The following TAS2R1 variants were observed in gnomAD, a reference collection of about 807,000 sequenced individuals.
The protein encoded by TAS2R1 is taste 2 receptor member 1.
For missense variants in TAS2R1, 370 were observed against 353.4 expected, an observed-to-expected ratio of 1.05 and a Z score of -0.38; for synonymous variants, 141 against 134.2, an observed-to-expected ratio of 1.05 and a Z score of -0.35.
Position 9,653,114 on chromosome 5 carries a change from C to T in TAS2R1, c.-81+6307G>A, listed in dbSNP as rs146654864. On this transcript the variant is annotated intron_variant, in intron 2 of 2. Transcript: ENST00000506620. The stretch of plus-strand genomic sequence containing the variant: ...CTCTATGATTTGACTACTCTATATA[C>T]GTTTTCCGAGTGGAATTATATAGTA... 2.2e-3 allele frequency among the ~76,000 whole-genome samples: 328 copies of T among 152,250 alleles called. 1 individual carries two copies. Among genetic ancestry groups the T allele is most frequent in the African/African-American group, 7.6e-3 (314 of 41,528 alleles).
upstream of TAS2R1, chr5:9,713,065 C>T (rs1008955414): frequency 6.6e-6 from 1 of 152,068 alleles, no homozygotes; most frequent in Non-Finnish European, 1.5e-5. Flanking sequence ...CCAACTGTCA[C>T]CTTGCCCAGG....
the TAS2R1 span, among the ~76,000 whole-genome samples, chr5:9,719,489 G>A: frequency 3.9e-5 from 6 of 152,134 alleles, no homozygotes; most frequent in Non-Finnish European, 8.8e-5. Context: ...CCAAGCCTGG[G>A]TCTCCACTCT....
the TAS2R1 span, among the ~76,000 whole-genome samples, chr5:9,760,699 AT>A: frequency 3.3e-5 from 5 of 152,226 alleles, no homozygotes; most frequent in South Asian, 1.0e-3. Flanking sequence ...TCTCAACTTG[AT>A]TTAAAGCCAT....
chr5:9,830,211 A>ATG, the TAS2R1 span, among the ~76,000 whole-genome samples: 1,219 of 67,416 alleles, frequency 0.018, 59 homozygotes, highest in Admixed American at 0.12. Flanking sequence ...ATGGATGGAT[A>ATG]GACAGATAGA....
the TAS2R1 span, among the ~76,000 whole-genome samples, chr5:9,902,489 T>C: frequency 6.6e-6 from 1 of 152,044 alleles, no homozygotes; most frequent in Non-Finnish European, 1.5e-5. Context: ...GTCCAGCATA[T>C]AAGGAGCTTG....
At chr5:9,720,052 A>G in the TAS2R1 span, among the ~76,000 whole-genome samples, 4 of 151,476 alleles carry the variant, frequency 2.6e-5, no homozygotes, top group African/African-American at 7.3e-5. Context: ...TTTAAATGTG[A>G]GTTTCCTAAG....
chr5:9,646,726 C>A (rs1298570943), intron 2 of TAS2R1, among the ~76,000 whole-genome samples: 1 of 152,076 alleles, frequency 6.6e-6, no homozygotes, highest in Non-Finnish European at 1.5e-5. Flanking sequence ...TTCCAGAAGA[C>A]CAAAATTGTT....
the TAS2R1 span, among the ~76,000 whole-genome samples, chr5:9,845,812 T>C: frequency 6.6e-6 from 1 of 152,244 alleles, no homozygotes; most frequent in Admixed American, 6.5e-5. Flanking sequence ...TTTGGTTTAC[T>C]GGTGGACATA....
chr5:9,838,552 C>G, the TAS2R1 span, among the ~76,000 whole-genome samples: 1 of 152,188 alleles, frequency 6.6e-6, no homozygotes, highest in Non-Finnish European at 1.5e-5. Context: ...CCTCAAGGTA[C>G]AGCTTTCTGT....
chr5:9,788,040 G>A, the TAS2R1 span, among the ~76,000 whole-genome samples: 5 of 152,176 alleles, frequency 3.3e-5, no homozygotes, highest in Admixed American at 6.5e-5. Context: ...GTCAACAGCC[G>A]CACAAAGTGA....
the TAS2R1 span, among the ~76,000 whole-genome samples, chr5:9,757,991 A>T: frequency 6.6e-6 from 1 of 152,260 alleles, no homozygotes; most frequent in East Asian, 1.9e-4. Flanking sequence ...TGATTATTAA[A>T]TAAATTGTTC....
chr5:9,796,465 G>C, the TAS2R1 span, among the ~76,000 whole-genome samples: 2 of 152,044 alleles, frequency 1.3e-5, no homozygotes, highest in Admixed American at 6.6e-5. Context: ...GCATCATACT[G>C]CCTCTTTGAG....
the TAS2R1 span, among the ~76,000 whole-genome samples, chr5:9,753,664 G>C: frequency 6.6e-6 from 1 of 152,050 alleles, no homozygotes. Context: ...TTTCTTCTAG[G>C]GTTTTTATGG....
At chr5:9,829,743 G>A in the TAS2R1 span, among the ~76,000 whole-genome samples, 1 of 152,090 alleles carries the variant, frequency 6.6e-6, no homozygotes, top group Non-Finnish European at 1.5e-5. Flanking sequence ...AATGAGTCAT[G>A]GTTGATGCAA....
At chr5:9,741,457 C>T in the TAS2R1 span, among the ~76,000 whole-genome samples, 182 of 152,306 alleles carry the variant, frequency 1.2e-3, 1 homozygote, top group East Asian at 0.032. Context: ...GCAAACCACC[C>T]ACTCTTTTCC....
intron 2 of TAS2R1, among the ~76,000 whole-genome samples, chr5:9,652,164 A>T (rs775249935): frequency 5.3e-5 from 8 of 152,212 alleles, no homozygotes; most frequent in Non-Finnish European, 1.2e-4. Flanking sequence ...ATCCCATGAG[A>T]CATATCTTTC....
chr5:9,878,788 T>G, the TAS2R1 span, among the ~76,000 whole-genome samples: 1 of 152,188 alleles, frequency 6.6e-6, no homozygotes, highest in Admixed American at 6.5e-5. Context: ...TACAAAACTG[T>G]GTGGATGTTG....
At chr5:9,732,839 G>A in the TAS2R1 span, among the ~76,000 whole-genome samples, 2 of 152,216 alleles carry the variant, frequency 1.3e-5, no homozygotes, top group African/African-American at 4.8e-5. Context: ...AGGGTAGCAA[G>A]TTGATATTTG....
the TAS2R1 span, among the ~76,000 whole-genome samples, chr5:9,719,856 T>C: frequency 7.0e-6 from 1 of 143,858 alleles, no homozygotes. Flanking sequence ...AGGCGGAGCT[T>C]GCAGTGAGCC....
Sources: gnomAD v4.1 joint callset for allele counts (sites outside exome capture counted in the v4.1 genomes callset) on GRCh38, gnomAD v4.1.1 for gene constraint, MANE v1.5 for transcripts, NCBI Gene and HGNC (gene_info 2026-07-23, HGNC 2026-07-21) for gene names.